The following CTNNA3 variants were observed in gnomAD, a reference collection of about 807,000 sequenced individuals.
The protein encoded by CTNNA3 is catenin alpha-3.
A neutral mutation model predicts 95.7 loss-of-function variants in CTNNA3; 76 were observed. The observed-to-expected ratio is 0.79, with a 90% CI of 0.66 to 0.96. CTNNA3 has a LOEUF of 0.96. CTNNA3 is among the 40% of genes least tolerant of loss of function. CTNNA3 has a pLI of 0.00. For missense variants in CTNNA3, 1,191 were observed against 1,089.8 expected (o/e 1.09, Z -1.31); for synonymous variants, 431 against 374.4 (o/e 1.15, Z -1.74).
chr10:66,451,175 A>G (rs1448781214), intron 11 of CTNNA3, among the ~76,000 whole-genome samples: 1 of 152,178 alleles, frequency 6.6e-6, no homozygotes, highest in African/African-American at 2.4e-5. Flanking sequence ...GCTTGATTGC[A>G]ATAATGATTA....
chr10:66,171,644 G>C (rs1046829240), intron 13 of CTNNA3, among the ~76,000 whole-genome samples: 1 of 152,044 alleles, frequency 6.6e-6, no homozygotes, highest in Non-Finnish European at 1.5e-5. Flanking sequence ...GCTTGGCAAA[G>C]CTTCTAGAAA....
intron 11 of CTNNA3, among the ~76,000 whole-genome samples, chr10:66,481,800 A>G (rs1233108582): frequency 6.6e-6 from 1 of 152,176 alleles, no homozygotes; most frequent in Non-Finnish European, 1.5e-5. Flanking sequence ...ACTAAAAATA[A>G]TAAGTAATAG....
intron 5 of CTNNA3, among the ~76,000 whole-genome samples, chr10:67,226,771 T>G (rs1488098668): frequency 6.6e-6 from 1 of 152,046 alleles, no homozygotes; most frequent in Admixed American, 6.6e-5. Context: ...AAACAGAACC[T>G]CTTTAAAGCA....
intron 7 of CTNNA3, among the ~76,000 whole-genome samples, chr10:66,885,281 T>C (rs1845001191): frequency 6.6e-6 from 1 of 152,202 alleles, no homozygotes; most frequent in African/African-American, 2.4e-5. Flanking sequence ...TTTGCTATTT[T>C]ACATAGTTCA....
chr10:66,971,138 T>TA (rs1464661542), intron 7 of CTNNA3, among the ~76,000 whole-genome samples: 1 of 151,936 alleles, frequency 6.6e-6, no homozygotes, highest in Non-Finnish European at 1.5e-5. Flanking sequence ...ATAGTGAAGT[T>TA]AAAAAAAGGC....
chr10:67,017,719 AATC>A (rs1289423510), intron 7 of CTNNA3, among the ~76,000 whole-genome samples: 2 of 145,878 alleles, frequency 1.4e-5, no homozygotes, highest in African/African-American at 5.2e-5. Flanking sequence ...ATGTCACAAA[AATC>A]ATCTGTGTGT....
At chr10:66,034,354 A>G (rs930151166) in intron 15 of CTNNA3, among the ~76,000 whole-genome samples, 6 of 152,086 alleles carry the variant, frequency 3.9e-5, no homozygotes, top group Non-Finnish European at 7.3e-5. Flanking sequence ...TTCAATTTTC[A>G]TCCATATCTG....
intron 9 of CTNNA3, among the ~76,000 whole-genome samples, chr10:66,702,389 TA>T (rs1847973899): frequency 6.6e-6 from 1 of 152,086 alleles, no homozygotes; most frequent in Non-Finnish European, 1.5e-5. Flanking sequence ...GGATGGCTTT[TA>T]AAAATGTTTC....
intron 9 of CTNNA3, among the ~76,000 whole-genome samples, chr10:66,696,232 G>A (rs998663177): frequency 1.1e-4 from 17 of 152,062 alleles, no homozygotes; most frequent in East Asian, 1.9e-4. Context: ...TTTTCTAACC[G>A]TTTTTTAGAT....
intron 7 of CTNNA3, among the ~76,000 whole-genome samples, chr10:66,945,578 T>C (rs569003132): frequency 6.6e-6 from 1 of 152,214 alleles, no homozygotes; most frequent in Admixed American, 6.5e-5. Flanking sequence ...ATTCATGTGT[T>C]CACTGGAGTA....
chr10:66,489,744 C>T (rs1404126601), intron 11 of CTNNA3, among the ~76,000 whole-genome samples: 4 of 152,298 alleles, frequency 2.6e-5, no homozygotes, highest in Non-Finnish European at 5.9e-5. Flanking sequence ...CAACTAGATA[C>T]TTCAGGAAGG....
chr10:66,152,522 T>A (rs575806927), intron 13 of CTNNA3, among the ~76,000 whole-genome samples: 5 of 152,066 alleles, frequency 3.3e-5, no homozygotes, highest in Admixed American at 2.6e-4. Flanking sequence ...TAACAACATG[T>A]ATTCTGAATT....
At chr10:67,196,352 A>C (rs1045337873) in intron 6 of CTNNA3, among the ~76,000 whole-genome samples, 3 of 152,106 alleles carry the variant, frequency 2.0e-5, no homozygotes, top group African/African-American at 7.2e-5. Flanking sequence ...AAATCTAAAT[A>C]CATACTTAGC....
chr10:67,540,837 C>T lies in CTNNA3; in HGVS notation c.293-1168G>A, dbSNP rs753289344. On this transcript the variant is annotated intron_variant, in intron 3 of 17. Transcript: ENST00000433211. Reference sequence around the variant, plus strand: ...CCTTTCATACTGGGAAACAGATGACCAGGAGGCAATATAGCACAGTAATTA... The same window carrying T: ...CCTTTCATACTGGGAAACAGATGACTAGGAGGCAATATAGCACAGTAATTA... Among the ~76,000 whole-genome samples the T allele has an allele frequency of 7.4e-4, 112 of 151,904 alleles. No homozygotes were observed. The Middle Eastern group carries it at 0.017, about 23-fold the overall frequency.
At chr10:66,952,768 C>T (rs1848599595) in intron 7 of CTNNA3, among the ~76,000 whole-genome samples, 1 of 151,756 alleles carries the variant, frequency 6.6e-6, no homozygotes, top group Non-Finnish European at 1.5e-5. Flanking sequence ...TTGGTTAGTG[C>T]TTATGTCCTA....
At chr10:65,928,268 T>A (rs2077197883) in intron 17 of CTNNA3, among the ~76,000 whole-genome samples, 1 of 152,182 alleles carries the variant, frequency 6.6e-6, no homozygotes, top group Admixed American at 6.5e-5. Context: ...TTTTAAATAA[T>A]CTTGGAATTG....
chr10:67,584,080 T>C (rs994507305), intron 3 of CTNNA3, among the ~76,000 whole-genome samples: 4 of 152,214 alleles, frequency 2.6e-5, no homozygotes, highest in African/African-American at 9.7e-5. Context: ...TCAAAGTCAT[T>C]CTCCATCCAG....
chr10:66,497,642 G>T (rs751331202), intron 11 of CTNNA3, among the ~76,000 whole-genome samples: 1 of 151,968 alleles, frequency 6.6e-6, no homozygotes, highest in African/African-American at 2.4e-5. Flanking sequence ...TAATCAAACT[G>T]TACTCTGATT....
chr10:66,091,840 A>C (rs2133695596), intron 14 of CTNNA3, among the ~76,000 whole-genome samples: 1 of 152,036 alleles, frequency 6.6e-6, no homozygotes, highest in Middle Eastern at 3.4e-3. Context: ...TTGAGGAAAA[A>C]AAAATGGTCA....
Sources: gnomAD v4.1 joint callset for allele counts (sites outside exome capture counted in the v4.1 genomes callset) on GRCh38, gnomAD v4.1.1 for gene constraint, MANE v1.5 for transcripts, NCBI Gene and HGNC (gene_info 2026-07-23, HGNC 2026-07-21) for gene names.